The following SLC26A11 variants were observed in gnomAD, a reference collection of about 807,000 sequenced individuals.
The protein encoded by SLC26A11 is sodium-independent sulfate anion transporter.
In SLC26A11, 58 loss-of-function variants were observed where a neutral mutation model predicts 62.2. The observed-to-expected ratio is 0.93, with a 90% CI of 0.76 to 1.16. The LOEUF is 1.16. SLC26A11 is among the 50% of genes most tolerant of loss of function. SLC26A11 has a pLI of 0.00. For synonymous variants in SLC26A11, 411 were observed against 368.9 expected (o/e 1.11, Z -1.31); for missense variants, 790 against 794.3 (o/e 0.99, Z 0.06).
rs199986179 is a variant in SLC26A11 at position 80,224,376 on chromosome 17, C to T, written c.513+1039C>T. 7.3e-3 allele frequency among the ~76,000 whole-genome samples: 775 copies of T among 105,706 alleles called. 7 individuals are homozygous for T. The highest frequency in any genetic ancestry group is 0.022 in the African/African-American group (602 of 27,204). The allele number at this position is 105,706 out of a possible 152,430, so 69.3% of individuals were successfully genotyped here. A position where few individuals can be genotyped will look rare whatever the true frequency, so the allele number is the denominator to read the frequency against. ...GTGGGTGTGAGGGAGTGTGAGTGCG[C>T]GCGCGCGTGTGTGAGTGTATGAGTG... On this transcript the variant is annotated intron_variant, in intron 5 of 17. Transcript: ENST00000361193.
chr17:80,245,286 C>T (rs2042964888), intron 11 of SLC26A11, 30 bp downstream of exon 11: 2 of 1,611,080 alleles, frequency 1.2e-6, no homozygotes, highest in African/African-American at 1.3e-5. Flanking sequence ...CTTCTGTTTG[C>T]CCACGTTGGA....
chr17:80,242,943 G>A (rs999361507), intron 10 of SLC26A11, among the ~76,000 whole-genome samples: 15 of 152,006 alleles, frequency 9.9e-5, no homozygotes, highest in Non-Finnish European at 2.1e-4. Context: ...TCCTGACCTC[G>A]TGATCCGCCT....
Position 80,246,300 on chromosome 17 carries a change from G to T in SLC26A11, c.1153+91G>T. On this transcript the variant is annotated intron_variant, in intron 12 of 17. Coordinates refer to ENST00000361193, the MANE Select transcript of SLC26A11 (RefSeq NM_001166347.2). The surrounding 1 kb of genome is among the most constrained non-coding windows in gnomAD (Gnocchi z 4.4). ...CACAGAGACGTCCCTTTGGCTCATG[G>T]GCCGTGCGCCCCGGGACTGCACAGG... is the stretch of plus-strand genomic sequence containing the variant. The T allele has an allele frequency of 6.6e-7, 1 of 1,509,830 alleles. No individual in the cohort carries two copies. The allele number at this position is 1,509,830 out of a possible 1,614,324, so 93.5% of individuals were successfully genotyped here.
rs181501605 is a variant in SLC26A11 at position 80,244,023 on chromosome 17, T to C, written c.1037-1173T>C. Among the ~76,000 whole-genome samples, 18 of 152,324 alleles carry C rather than the reference T, an allele frequency of 1.2e-4. No homozygotes were observed. In the East Asian group the frequency reaches 3.5e-3, roughly 29 times the overall value. On this transcript the variant is annotated intron_variant, in intron 10 of 17. Coordinates refer to ENST00000361193, the MANE Select transcript of SLC26A11 (RefSeq NM_001166347.2). ...GAGCCCTCCCACGCCTGTATTTCCT[T>C]GCCCTAGCCCATCTCTCTCAGGGCC...
chr17:80,237,878 G>A (rs1455163872), intron 9 of SLC26A11, among the ~76,000 whole-genome samples: 1 of 152,230 alleles, frequency 6.6e-6, no homozygotes, highest in East Asian at 1.9e-4. Context: ...CGATGTCCAC[G>A]GTGTAAACGC....
rs534538181 is a variant in SLC26A11, at chr17:80,238,911, C to T, written c.985+1317C>T. ...CACGATCTCTGCTCACTGCAACCTC[C>T]GCTTCCCAGGTTTAAGCAATTCTCA... On this transcript the variant is annotated intron_variant, in intron 9 of 17. Transcript: ENST00000361193. Among the ~76,000 whole-genome samples, 12 of 150,042 alleles carry T rather than the reference C, an allele frequency of 8.0e-5. No homozygotes were observed. The South Asian group carries it at 2.5e-3, about 32-fold the overall frequency.
intron 9 of SLC26A11, among the ~76,000 whole-genome samples, chr17:80,240,777 T>C (rs113856329): frequency 0.011 from 1,641 of 152,260 alleles, 25 homozygotes; most frequent in African/African-American, 0.036. Context: ...CACTCCAGCC[T>C]GGGTGACAGA....
chr17:80,221,855 A>C lies in SLC26A11; in HGVS notation c.234+61A>C. ...GAAACAGTGCAGAATACACAGTATCAATCCCAGACACCATCAGCGATTCCA... is the reference window on the plus strand; with the variant it reads ...GAAACAGTGCAGAATACACAGTATCCATCCCAGACACCATCAGCGATTCCA... On this transcript the variant is annotated intron_variant, in intron 3 of 17. Transcript: ENST00000361193. 4 of 1,470,156 alleles carry C rather than the reference A, an allele frequency of 2.7e-6. No homozygotes were observed. The South Asian group carries it at 3.8e-5, about 14-fold the overall frequency. The allele number at this position is 1,470,156 out of a possible 1,614,324, so 91.1% of individuals were successfully genotyped here. A position where few individuals can be genotyped will look rare whatever the true frequency, so the allele number is the denominator to read the frequency against.
chr17:80,241,313 G>A (rs959305062), intron 9 of SLC26A11, among the ~76,000 whole-genome samples: 2 of 152,198 alleles, frequency 1.3e-5, no homozygotes, highest in Admixed American at 6.5e-5. Context: ...AGACTGGAGT[G>A]CGGTGGCACG....
At position 80,252,842 on chromosome 17, in the gene SLC26A11, C is replaced by G. The variant is rs1416640902; in HGVS notation, c.*126C>G. 2 of 826,514 alleles carry G rather than the reference C, an allele frequency of 2.4e-6. No homozygotes were observed. Among genetic ancestry groups the G allele is most frequent in the African/African-American group, 3.4e-5 (2 of 58,114 alleles). 51.2% of individuals were successfully genotyped at this position (826,514 alleles called of 1,614,324 possible). On this transcript the variant is annotated 3_prime_UTR_variant, in exon 18 of 18. Transcript: ENST00000361193. The surrounding 1 kb of genome is among the most constrained non-coding windows in gnomAD (Gnocchi z 5.2). ...CTGAGAAACCCCTGAGCAGGTAACC[C>G]AGGGAAGAGAAGGAAGCCAGGCCTG...
chr17:80,252,792 C>A lies in SLC26A11; in HGVS notation c.*76C>A. On this transcript the variant is annotated 3_prime_UTR_variant, in exon 18 of 18. Transcript: ENST00000361193. This position sits in a 1 kb window ranked among gnomAD's most constrained non-coding sequence, Gnocchi z 5.2. Reference sequence around the variant, plus strand: ...TGTCACTGTGATTGGATGCTGGATGCCGCCTGATAGACATGCTGGCCTGGC... The same window carrying A: ...TGTCACTGTGATTGGATGCTGGATGACGCCTGATAGACATGCTGGCCTGGC... 1.5e-6 allele frequency: 2 copies of A among 1,332,450 alleles called. No homozygotes were observed. The highest frequency in any genetic ancestry group is 1.8e-5 in the Admixed American group (1 of 54,112). 82.5% of individuals were successfully genotyped at this position (1,332,450 alleles called of 1,614,324 possible).
In SLC26A11 at chr17:80,236,924, C is replaced by T; in HGVS notation, c.737-4C>T. 6.2e-7 allele frequency: 1 copy of T among 1,608,346 alleles called. No homozygotes were observed. The highest frequency in any genetic ancestry group is 8.5e-7 in the Non-Finnish European group (1 of 1,175,214). On this transcript the variant is annotated splice_polypyrimidine_tract_variant and splice_region_variant and intron_variant, in intron 7 of 17. Coordinates refer to ENST00000361193, the MANE Select transcript of SLC26A11 (RefSeq NM_001166347.2). ...TCTCGGACGCACCTCTCCTTCTCTC[C>T]TAGCTCGCAACGCCCTGGTGGTCTC...
Position 80,245,219 on chromosome 17 carries a change from C to T in SLC26A11, c.1060C>T (p.Leu354Phe). The T allele has an allele frequency of 6.2e-7, 1 of 1,613,996 alleles. No individual in the cohort carries two copies. The highest frequency in any genetic ancestry group is 1.7e-5 in the Admixed American group (1 of 59,978). The change falls in exon 11 of 18, where the codon CTC (leucine) becomes TTC (phenylalanine). Residue 354 changes from leucine to phenylalanine, a missense_variant. Coordinates refer to ENST00000361193, the MANE Select transcript of SLC26A11 (RefSeq NM_001166347.2). Reference protein sequence around the residue: ...AIGLTNMLGSLVSSYPVTGSF... With the variant: ...AIGLTNMLGSFVSSYPVTGSF... Reference sequence around the variant, plus strand: ...AGGTCTCACCAACATGTTGGGCTCCCTCGTCTCCTCCTACCCGGTCACAGG... The same window carrying T: ...AGGTCTCACCAACATGTTGGGCTCCTTCGTCTCCTCCTACCCGGTCACAGG...
Position 80,251,590 on chromosome 17 carries a change from T to A in SLC26A11, c.1729+189T>A, listed in dbSNP as rs187830691. Among the ~76,000 whole-genome samples, 12 of 151,998 alleles carry A rather than the reference T, an allele frequency of 7.9e-5. No homozygotes were observed. The East Asian group carries it at 2.1e-3, about 27-fold the overall frequency. On this transcript the variant is annotated intron_variant, in intron 17 of 17. Coordinates refer to ENST00000361193, the MANE Select transcript of SLC26A11 (RefSeq NM_001166347.2). ...CCAGCCTGGCCAACATGGTAAAACC[T>A]CATCAGTACTAAAAATACAAAAATT...
intron 17 of SLC26A11, among the ~76,000 whole-genome samples, 193 bp downstream of exon 17, chr17:80,251,594 C>T (rs2043157998): frequency 6.6e-6 from 1 of 152,064 alleles, no homozygotes; most frequent in South Asian, 2.1e-4. Flanking sequence ...AAAACCTCAT[C>T]AGTACTAAAA....
Position 80,224,296 on chromosome 17 carries a change from TGC to T in SLC26A11, c.513+961_513+962del, listed in dbSNP as rs1567943843. On this transcript the variant is annotated intron_variant, in intron 5 of 17. Transcript: ENST00000361193. ...GAGTGAGTGCGTGTGTGAGTGAGTG[TGC>T]GTGTGTGTGTGAGAGAGTGTGAGTG... Among the ~76,000 whole-genome samples, 9 of 122,342 alleles carry T rather than the reference TGC, an allele frequency of 7.4e-5. No individual in the cohort carries two copies. In the South Asian group the frequency reaches 1.6e-3, roughly 21 times the overall value. The allele number at this position is 122,342 out of a possible 152,430, so 80.3% of individuals were successfully genotyped here.
rs2043059615 is a variant in SLC26A11 at position 80,248,199 on chromosome 17, C to T, written c.1364C>T (p.Ala455Val). The change falls in exon 14 of 18, where the codon GCC becomes GTC. Residue 455 changes from alanine (A) to valine (V), a missense_variant. Physicochemically the swap from Ala to Val is moderately conservative, Grantham distance 64. Coordinates refer to ENST00000361193, the MANE Select transcript of SLC26A11 (RefSeq NM_001166347.2). Reference protein sequence around the residue: ...CFWEVQYGILAGALVSLLMLL... With the variant: ...CFWEVQYGILVGALVSLLMLL... ...TGGGAGGTGCAGTACGGCATCCTGG[C>T]CGGGGCCCTGGTGTCTCTGCTCATG... The T allele has an allele frequency of 6.2e-7, 1 of 1,609,468 alleles. No individual in the cohort carries two copies. The highest frequency in any genetic ancestry group is 1.1e-5 in the South Asian group (1 of 90,844).
intron 5 of SLC26A11, among the ~76,000 whole-genome samples, chr17:80,224,200 TGAGTGTGTGAATGAGTGA>T (rs1567943409): frequency 6.7e-6 from 1 of 149,712 alleles, no homozygotes; most frequent in East Asian, 1.9e-4. Flanking sequence ...TGAGTGTGTG[TGAGTGTGTGAATGAGTGA>T]GTGTGTGAGA....
chr17:80,235,063 C>T (rs1208062466), intron 7 of SLC26A11, among the ~76,000 whole-genome samples: 1 of 151,930 alleles, frequency 6.6e-6, no homozygotes, highest in Non-Finnish European at 1.5e-5. Flanking sequence ...TTGGCTGGGC[C>T]AGTCTCGAAT....
Sources: gnomAD v4.1 joint callset for allele counts (sites outside exome capture counted in the v4.1 genomes callset) on GRCh38, gnomAD v4.1.1 for gene constraint, Gnocchi (gnomAD v3.1) non-coding constraint, MANE v1.5 for transcripts, NCBI Gene and HGNC (gene_info 2026-07-23, HGNC 2026-07-21) for gene names.